ACADSB: variants seen among roughly 807,000 people sequenced by gnomAD.
ACADSB encodes acyl-CoA dehydrogenase short/branched chain.
ACADSB carries 40 observed loss-of-function variants against 54.1 expected under a neutral mutation model. That is an observed-to-expected ratio of 0.74 (90% CI 0.57 to 0.96). The LOEUF (loss-of-function observed/expected upper bound fraction) is 0.96, where lower values mean the gene tolerates loss of function less well. ACADSB is among the 40% of genes least tolerant of loss of function. The probability of loss-of-function intolerance (pLI) is 0.00; values close to 1 mark genes in which losing one functional copy is unlikely to be tolerated. For missense variants in ACADSB, 530 were observed against 510.4 expected (o/e 1.04, Z -0.37); for synonymous variants, 182 against 182.8 (o/e 1.00, Z 0.03).
chr10:123,031,660 C>A (rs1196301713), intron 1 of ACADSB, among the ~76,000 whole-genome samples: 2 of 151,936 alleles, frequency 1.3e-5, no homozygotes, highest in East Asian at 1.9e-4. Context: ...TTTTTTCTGC[C>A]GAAAAATGTT....
rs531689570 is a variant in ACADSB, at chr10:123,026,717, T to A, written c.43-7639T>A. Among the ~76,000 whole-genome samples, 9 of 116,470 alleles carry A rather than the reference T, an allele frequency of 7.7e-5. No individual in the cohort carries two copies. In the South Asian group the frequency reaches 2.1e-3, roughly 27 times the overall value. 76.4% of individuals were successfully genotyped at this position (116,470 alleles called of 152,430 possible). A position where few individuals can be genotyped will look rare whatever the true frequency, so the allele number is the denominator to read the frequency against. On this transcript the variant is annotated intron_variant, in intron 1 of 10. Transcript: ENST00000358776. ...AATATGCAAATATCTCTTGAATATA[T>A]TGCTAAATGAAAAAAAAAAAGGAAG...
At chr10:123,045,906 G>A (rs958568855) in intron 7 of ACADSB, among the ~76,000 whole-genome samples, 6 of 152,188 alleles carry the variant, frequency 3.9e-5, no homozygotes, top group Non-Finnish European at 8.8e-5. Flanking sequence ...ATACCTTTGA[G>A]AGGAAGAGGC....
chr10:123,044,550 T>C (rs1032580731), intron 7 of ACADSB, 65 bp downstream of exon 7: 29 of 1,262,520 alleles, frequency 2.3e-5, no homozygotes, highest in Non-Finnish European at 3.3e-5. Flanking sequence ...AAAAATGCAA[T>C]GAGACCAATG....
chr10:123,047,592 C>T lies in ACADSB; in HGVS notation c.990+294C>T, dbSNP rs1031532485. Among the ~76,000 whole-genome samples, 17 of 152,176 alleles carry T rather than the reference C, an allele frequency of 1.1e-4. No individual in the cohort carries two copies. The South Asian group carries it at 1.7e-3, about 15-fold the overall frequency. ...TCAGGGCAGGGGGTCTGGAGTCAGACTTCCTGGATTCAAATCCTGGTTCTT... is the reference window on the plus strand; with the variant it reads ...TCAGGGCAGGGGGTCTGGAGTCAGATTTCCTGGATTCAAATCCTGGTTCTT... On this transcript the variant is annotated intron_variant, in intron 8 of 10. Coordinates refer to ENST00000358776, the MANE Select transcript of ACADSB (RefSeq NM_001609.4).
intron 6 of ACADSB, 49 bp downstream of exon 6, chr10:123,043,220 G>T: frequency 1.2e-6 from 2 of 1,608,534 alleles, no homozygotes; most frequent in Non-Finnish European, 8.5e-7. Flanking sequence ...AATAAGCCTT[G>T]CATGGAACCA....
At chr10:123,049,664 A>G (rs1850602227) in intron 8 of ACADSB, among the ~76,000 whole-genome samples, 1 of 152,240 alleles carries the variant, frequency 6.6e-6, no homozygotes, top group African/African-American at 2.4e-5. Flanking sequence ...GATTTGATGT[A>G]TGATAGAAAT....
Position 123,053,116 on chromosome 10 carries a change from C to G in ACADSB, c.1184C>G (p.Thr395Ser). ...GAGTGGATGGGGGGAGTAGGCTACA[C>G]CAAAGATTACCCTGTGGAGAAATAC... is the stretch of plus-strand genomic sequence containing the variant. ...CIEWMGGVGY[T>S]KDYPVEKYFR... Residue 395 changes from threonine to serine, a missense_variant, in exon 10 of 11, where the codon ACC becomes AGC. By Grantham distance (58) the Thr-to-Ser change is moderately conservative (BLOSUM62 1). Transcript: ENST00000358776. The G allele has an allele frequency of 6.2e-7, 1 of 1,613,856 alleles. No individual in the cohort carries two copies. The highest frequency in any genetic ancestry group is 8.5e-7 in the Non-Finnish European group (1 of 1,179,928).
At chr10:123,037,145 G>T (rs548650946) in intron 2 of ACADSB, among the ~76,000 whole-genome samples, 1 of 152,172 alleles carries the variant, frequency 6.6e-6, no homozygotes, top group Admixed American at 6.5e-5. Context: ...GGCCGTGGCC[G>T]GGCTGCTGCT....
Position 123,041,268 on chromosome 10 carries a change from C to A in ACADSB, c.570C>A (p.Thr190=). 1 of 1,614,028 alleles carries A rather than the reference C, an allele frequency of 6.2e-7. No homozygotes were observed. The highest frequency in any genetic ancestry group is 8.5e-7 in the Non-Finnish European group (1 of 1,180,002). ...GTAGTGACTCATTTGCTTTGAAGAC[C>A]AGAGCTGATAAAGAGGGAGATTATT... ...GAGSDSFALK[T]RADKEGDYYV... The change falls in exon 5 of 11, where the codon ACC becomes ACA. Residue 190 remains threonine, a synonymous_variant. Coordinates refer to ENST00000358776, the MANE Select transcript of ACADSB (RefSeq NM_001609.4).
At chr10:123,041,635 T>TA (rs531384934) in intron 5 of ACADSB, among the ~76,000 whole-genome samples, 392 of 151,882 alleles carry the variant, frequency 2.6e-3, no homozygotes, top group Admixed American at 4.6e-3. Context: ...AATATTTGAT[T>TA]AAAAAAAAAT....
intron 1 of ACADSB, among the ~76,000 whole-genome samples, chr10:123,013,424 A>G (rs1850066171): frequency 6.6e-6 from 1 of 152,268 alleles, no homozygotes; most frequent in Non-Finnish European, 1.5e-5. Flanking sequence ...TAGACTCAGG[A>G]GCCCAGCTGG....
intron 1 of ACADSB, among the ~76,000 whole-genome samples, chr10:123,028,704 T>C (rs755383149): frequency 7.2e-5 from 11 of 152,112 alleles, no homozygotes; most frequent in Non-Finnish European, 1.5e-4. Context: ...TCCCAAAGCA[T>C]ACGTGGTTCA....
At chr10:123,029,360 GA>G (rs545734756) in intron 1 of ACADSB, among the ~76,000 whole-genome samples, 2,167 of 134,328 alleles carry the variant, frequency 0.016, 20 homozygotes, top group Middle Eastern at 0.031. Flanking sequence ...AAAAAGAGAA[GA>G]AAAAAAAAAA....
intron 8 of ACADSB, among the ~76,000 whole-genome samples, chr10:123,048,013 G>T (rs969980565): frequency 6.6e-6 from 1 of 152,172 alleles, no homozygotes; most frequent in Non-Finnish European, 1.5e-5. Flanking sequence ...CCCTCCTTGA[G>T]ATCTTGCCAG....
At chr10:123,028,657 T>C (rs1382110529) in intron 1 of ACADSB, among the ~76,000 whole-genome samples, 2 of 152,112 alleles carry the variant, frequency 1.3e-5, no homozygotes, top group Non-Finnish European at 2.9e-5. Context: ...AGCAAGACCC[T>C]ATCTCAAAAA....
At chr10:123,029,670 A>G (rs7070793) in intron 1 of ACADSB, among the ~76,000 whole-genome samples, 74,840 of 152,004 alleles carry the variant, frequency 0.49, 19,757 homozygotes, top group Non-Finnish European at 0.61. Flanking sequence ...ATTCTGTTGC[A>G]TCAATATATG....
intron 1 of ACADSB, among the ~76,000 whole-genome samples, chr10:123,013,342 A>C (rs1850064985): frequency 6.6e-6 from 1 of 152,246 alleles, no homozygotes; most frequent in South Asian, 2.1e-4. Context: ...ACAAACCTTG[A>C]GCTAGACACT....
intron 1 of ACADSB, among the ~76,000 whole-genome samples, chr10:123,034,064 A>G (rs899731241): frequency 5.3e-5 from 8 of 152,242 alleles, no homozygotes; most frequent in African/African-American, 1.9e-4. Context: ...ATGTCAGTGA[A>G]ATGTGAAATA....
chr10:123,024,132 T>C (rs1850218273), intron 1 of ACADSB, among the ~76,000 whole-genome samples: 1 of 152,248 alleles, frequency 6.6e-6, no homozygotes, highest in Non-Finnish European at 1.5e-5. Context: ...AGGCCACGCT[T>C]TCCCATGCTT....
Sources: gnomAD v4.1 joint callset for allele counts (sites outside exome capture counted in the v4.1 genomes callset) on GRCh38, gnomAD v4.1.1 for gene constraint, MANE v1.5 for transcripts, NCBI Gene and HGNC (gene_info 2026-07-23, HGNC 2026-07-21) for gene names.